The following CD2AP variants were observed in gnomAD, a reference collection of about 807,000 sequenced individuals.
CD2AP encodes the protein CD2-associated protein.
A neutral mutation model predicts 85.1 loss-of-function variants in CD2AP; 46 were observed. The observed-to-expected ratio is 0.54, with a 90% CI of 0.43 to 0.69. The LOEUF is 0.69. Ranked by LOEUF, CD2AP falls within the 30% of genes least tolerant of loss-of-function variation. The pLI is 0.00. For missense variants in CD2AP, 769 were observed against 729.5 expected (o/e 1.05, Z -0.62); for synonymous variants, 255 against 252.9 (o/e 1.01, Z -0.08).
intron 2 of CD2AP, among the ~76,000 whole-genome samples, chr6:47,515,451 C>G (rs188173508): frequency 1.2e-3 from 181 of 152,228 alleles, no homozygotes; most frequent in African/African-American, 4.2e-3. Context: ...TTTGCATATT[C>G]ACATACGTTA....
intron 17 of CD2AP, among the ~76,000 whole-genome samples, chr6:47,623,442 C>G (rs4142971): frequency 6.6e-6 from 1 of 152,000 alleles, no homozygotes; most frequent in African/African-American, 2.4e-5. Context: ...CTAAATCTTA[C>G]CATGACAAGT....
chr6:47,498,029 T>A (rs1393075507), intron 1 of CD2AP, among the ~76,000 whole-genome samples: 3 of 152,224 alleles, frequency 2.0e-5, no homozygotes, highest in African/African-American at 7.2e-5. Flanking sequence ...TATTTTAATT[T>A]TGCGCAGCTG....
intron 2 of CD2AP, among the ~76,000 whole-genome samples, chr6:47,509,436 G>T (rs1766260252): frequency 2.2e-5 from 2 of 91,592 alleles, no homozygotes; most frequent in South Asian, 3.9e-4. Context: ...CCTTCAATTT[G>T]TAAAAAAAAA....
intron 13 of CD2AP, among the ~76,000 whole-genome samples, chr6:47,605,226 C>A (rs1215684970): frequency 6.6e-6 from 1 of 151,874 alleles, no homozygotes; most frequent in Non-Finnish European, 1.5e-5. Context: ...GGTTAATATT[C>A]TGAGTTTGGA....
At position 47,612,541 on chromosome 6, in the gene CD2AP, T is replaced by C; in HGVS notation, c.1878+5T>C. The C allele has an allele frequency of 1.9e-6, 3 of 1,597,118 alleles. No individual in the cohort carries two copies. Among genetic ancestry groups the C allele is most frequent in the Non-Finnish European group, 2.6e-6 (3 of 1,165,198 alleles). On this transcript the variant is annotated splice_donor_5th_base_variant and intron_variant, in intron 17 of 17. Coordinates refer to ENST00000359314, the MANE Select transcript of CD2AP (RefSeq NM_012120.3). ...ACAATGAGAAGTAATCTAGAGGTAA[T>C]TAATTTCTTCCAGCATTGAGAGTTT... is the stretch of plus-strand genomic sequence containing the variant.
In CD2AP at chr6:47,574,207, A is replaced by C. The variant is rs762800934; in HGVS notation, c.685A>C (p.Thr229Pro). The C allele has an allele frequency of 6.2e-7, 1 of 1,614,094 alleles. No individual in the cohort carries two copies. The highest frequency in any genetic ancestry group is 8.5e-7 in the Non-Finnish European group (1 of 1,179,970). ...TAAAGAAGGCTCTGTGAAACTTCGGACAAGAACATCCAGTAGTGAAACAGA... is the reference window on the plus strand; with the variant it reads ...TAAAGAAGGCTCTGTGAAACTTCGGCCAAGAACATCCAGTAGTGAAACAGA... ...IFKEGSVKLR[T>P]RTSSSETEEK... Residue 229 changes from threonine to proline, a missense_variant, in exon 6 of 18, where the codon ACA (threonine) becomes CCA (proline). Transcript: ENST00000359314.
At chr6:47,481,853 A>G (rs777222983) in intron 1 of CD2AP, among the ~76,000 whole-genome samples, 25 of 152,222 alleles carry the variant, frequency 1.6e-4, no homozygotes, top group Admixed American at 3.3e-4. Context: ...ATCATAGCTC[A>G]CTGCAGCCTC....
At position 47,533,729 on chromosome 6, in the gene CD2AP, ATC is replaced by A; in HGVS notation, c.294_295del (p.Pro99ThrfsTer6). 6.2e-7 allele frequency: 1 copy of A among 1,614,120 alleles called. No homozygotes were observed. Among genetic ancestry groups the A allele is most frequent in the Non-Finnish European group, 8.5e-7 (1 of 1,180,010 alleles). ...CTTCCAGCTGGAGGAATTCAGCCAC[ATC>A]CACAAACCAAAAACATTAAGAAGAG... On this transcript the variant is annotated frameshift_variant, in exon 3 of 18. Transcript: ENST00000359314. LOFTEE classifies it high-confidence loss of function.
At chr6:47,555,503 A>G (rs7451940) in intron 5 of CD2AP, among the ~76,000 whole-genome samples, 91,856 of 151,988 alleles carry the variant, frequency 0.6, 28,571 homozygotes, top group Middle Eastern at 0.74. Flanking sequence ...AGTTGGATTT[A>G]TAGGTATTAG....
chr6:47,508,576 C>T (rs1278550522), intron 2 of CD2AP, among the ~76,000 whole-genome samples: 5 of 138,074 alleles, frequency 3.6e-5, no homozygotes, highest in African/African-American at 8.2e-5. Context: ...GACGGAGTCT[C>T]GCTCTGTTGC....
At chr6:47,585,016 G>A (rs4502933) in intron 11 of CD2AP, among the ~76,000 whole-genome samples, 37,719 of 151,880 alleles carry the variant, frequency 0.25, 5,425 homozygotes, top group East Asian at 0.6. Context: ...ATTGGAGGCC[G>A]GGCGCGGTGT....
rs1440254916 is a variant in CD2AP at position 47,626,241 on chromosome 6, AG to A, written c.*2015del. On this transcript the variant is annotated 3_prime_UTR_variant, in exon 18 of 18. Transcript: ENST00000359314. ...GTTTTTGCTTGTGTCCTCCTCAGTC[AG>A]AATAGAAAAGTAACTGAAATACTTT... The A allele has an allele frequency of 1.3e-5, 2 of 151,966 alleles. No individual in the cohort carries two copies. Among genetic ancestry groups the A allele is most frequent in the African/African-American group, 4.8e-5 (2 of 41,434 alleles). The allele number at this position is 151,966 out of a possible 1,614,324, so 9.4% of individuals were successfully genotyped here.
chr6:47,608,353 G>A (rs913809672), intron 15 of CD2AP, among the ~76,000 whole-genome samples: 1 of 152,012 alleles, frequency 6.6e-6, no homozygotes, highest in Admixed American at 6.6e-5. Context: ...ACCTAGCTTG[G>A]TGCTTAGTAC....
chr6:47,505,645 C>T (rs1355726277), intron 2 of CD2AP, among the ~76,000 whole-genome samples: 7 of 113,930 alleles, frequency 6.1e-5, no homozygotes, highest in African/African-American at 9.4e-5. Flanking sequence ...ACCTCCCTCC[C>T]GGACGGGGCG....
At chr6:47,498,979 A>C (rs1266892955) in intron 1 of CD2AP, among the ~76,000 whole-genome samples, 1 of 152,128 alleles carries the variant, frequency 6.6e-6, no homozygotes, top group African/African-American at 2.4e-5. Flanking sequence ...ATTTTATTCG[A>C]TGGGGTATAT....
In CD2AP at chr6:47,581,983, A is replaced by C. The variant is rs865983803; in HGVS notation, c.1046-20A>C. The C allele has an allele frequency of 1.3e-6, 2 of 1,530,906 alleles. No individual in the cohort carries two copies. Among genetic ancestry groups the C allele is most frequent in the Non-Finnish European group, 1.8e-6 (2 of 1,104,500 alleles). 94.8% of individuals were successfully genotyped at this position (1,530,906 alleles called of 1,614,324 possible). A position where few individuals can be genotyped will look rare whatever the true frequency, so the allele number is the denominator to read the frequency against. On this transcript the variant is annotated intron_variant, in intron 10 of 17. Coordinates refer to ENST00000359314, the MANE Select transcript of CD2AP (RefSeq NM_012120.3). ...TTTAAAACTGTCTTCTTAAAAAAGT[A>C]TTAATGTTTTTTCCCATAGCTCCAA... is the stretch of plus-strand genomic sequence containing the variant.
chr6:47,491,813 T>C (rs1765743215), intron 1 of CD2AP, among the ~76,000 whole-genome samples: 1 of 152,126 alleles, frequency 6.6e-6, no homozygotes, highest in Non-Finnish European at 1.5e-5. Context: ...GTTTAAATAC[T>C]GATTTTTTTT....
intron 11 of CD2AP, among the ~76,000 whole-genome samples, chr6:47,591,091 T>A (rs1229839542): frequency 6.6e-6 from 1 of 151,800 alleles, no homozygotes; most frequent in Non-Finnish European, 1.5e-5. Flanking sequence ...GGTAAAAGAG[T>A]TGAGGTATAT....
At position 47,509,266 on chromosome 6, in the gene CD2AP, G is replaced by A. The variant is rs532202959; in HGVS notation, c.165+5826G>A. ...GAGATACCTCAAAACAATTAAAATGGTAACATTAAAGATCACTAATCACAG... is the reference window on the plus strand; with the variant it reads ...GAGATACCTCAAAACAATTAAAATGATAACATTAAAGATCACTAATCACAG... On this transcript the variant is annotated intron_variant, in intron 2 of 17. Transcript: ENST00000359314. 1.1e-4 allele frequency among the ~76,000 whole-genome samples: 17 copies of A among 152,128 alleles called. No individual in the cohort carries two copies. The South Asian group carries it at 3.3e-3, about 30-fold the overall frequency.
Sources: allele counts gnomAD v4.1 joint callset (sites outside exome capture counted in the v4.1 genomes callset), GRCh38; gene constraint gnomAD v4.1.1; transcripts MANE v1.5; gene names NCBI Gene and HGNC (gene_info 2026-07-23, HGNC 2026-07-21).